The following LRRC49 variants were observed in gnomAD, a reference collection of about 807,000 sequenced individuals.
The protein encoded by LRRC49 is leucine rich repeat containing 49.
LRRC49 carries 50 observed loss-of-function variants against 83.3 expected under a neutral mutation model. The ratio of observed to expected loss-of-function variants is 0.60; its 90% confidence interval spans 0.48 to 0.76. LRRC49 has a LOEUF of 0.76. Among genes scored for constraint, LRRC49 ranks in the 30% least tolerant of loss-of-function variants. The pLI is 0.00. For missense variants in LRRC49, 704 were observed against 809.1 expected, an observed-to-expected ratio of 0.87 and a Z score of 1.58; for synonymous variants, 286 against 283.3, an observed-to-expected ratio of 1.01 and a Z score of -0.10.
In LRRC49 at chr15:71,009,948, T is replaced by C. The variant is rs1338872091; in HGVS notation, c.1549T>C (p.Phe517Leu). 6.2e-7 allele frequency: 1 copy of C among 1,608,666 alleles called. No individual in the cohort carries two copies. The highest frequency in any genetic ancestry group is 8.5e-7 in the Non-Finnish European group (1 of 1,177,014). ...TACACTCTGGAAATACTATGTACTG[T>C]TTAGGCTAAGCCATTTCAGTATGCA... is the stretch of plus-strand genomic sequence containing the variant. Reference protein sequence around the residue: ...NFTLWKYYVLFRLSHFSMQKI... With the variant: ...NFTLWKYYVLLRLSHFSMQKI... The change falls in exon 13 of 16, where the codon TTT becomes CTT. Residue 517 changes from phenylalanine (F) to leucine (L), a missense_variant. Physicochemically the swap from Phe to Leu is conservative, Grantham distance 22. Coordinates refer to ENST00000260382, the MANE Select transcript of LRRC49 (RefSeq NM_017691.5).
chr15:71,032,442 A>G (rs1326231271), intron 14 of LRRC49, among the ~76,000 whole-genome samples: 1 of 152,026 alleles, frequency 6.6e-6, no homozygotes, highest in Non-Finnish European at 1.5e-5. Flanking sequence ...GGTTCCTTCT[A>G]TTCTGTACTA....
chr15:71,011,858 G>A (rs1374904013), intron 13 of LRRC49, among the ~76,000 whole-genome samples: 4 of 152,120 alleles, frequency 2.6e-5, no homozygotes, highest in Non-Finnish European at 2.9e-5. Context: ...CCTGTGAAGA[G>A]TATTACAGAT....
chr15:70,948,956 T>C lies in LRRC49; in HGVS notation c.773+12134T>C, dbSNP rs545571335. Among the ~76,000 whole-genome samples, 5 of 152,300 alleles carry C rather than the reference T, an allele frequency of 3.3e-5. No individual in the cohort carries two copies. In the South Asian group the frequency reaches 1.0e-3, roughly 32 times the overall value. On this transcript the variant is annotated intron_variant, in intron 8 of 15. Transcript: ENST00000260382. ...TGTTTCAAGTACTTAACTTTCCCTT[T>C]GTAACACAAAAGCAGCCATAAATAA...
intron 9 of LRRC49, among the ~76,000 whole-genome samples, chr15:70,978,860 T>C (rs1166857833): frequency 2.6e-5 from 4 of 152,190 alleles, no homozygotes; most frequent in Non-Finnish European, 5.9e-5. Flanking sequence ...TCCTCTATTT[T>C]CCAGTTGACT....
At chr15:70,876,467 C>T (rs1302932047) in intron 2 of LRRC49, among the ~76,000 whole-genome samples, 1 of 152,102 alleles carries the variant, frequency 6.6e-6, no homozygotes, top group African/African-American at 2.4e-5. Context: ...GCATGACATG[C>T]TTTGGTAGTA....
At chr15:71,038,985 C>T (rs370861857) in intron 15 of LRRC49, among the ~76,000 whole-genome samples, 3 of 151,966 alleles carry the variant, frequency 2.0e-5, no homozygotes, top group Admixed American at 6.6e-5. Flanking sequence ...GACATATATA[C>T]GGATAAGTAT....
At chr15:70,882,209 C>T in intron 2 of LRRC49, 2 of 368,832 alleles carry the variant, frequency 5.4e-6, no homozygotes, top group African/African-American at 2.1e-5. Flanking sequence ...GCTTTGTAAC[C>T]TGATTTCTAC....
At chr15:70,927,099 A>T (rs2035231099) in intron 7 of LRRC49, among the ~76,000 whole-genome samples, 1 of 152,134 alleles carries the variant, frequency 6.6e-6, no homozygotes, top group African/African-American at 2.4e-5. Flanking sequence ...GCTGGAGAGG[A>T]TGTGGAGAAA....
chr15:70,912,595 A>G (rs1233680183), intron 6 of LRRC49, among the ~76,000 whole-genome samples: 1 of 151,920 alleles, frequency 6.6e-6, no homozygotes, highest in Non-Finnish European at 1.5e-5. Context: ...TTTCCTGATT[A>G]CTATATAATC....
At chr15:70,953,954 G>A (rs1302168484) in intron 8 of LRRC49, among the ~76,000 whole-genome samples, 1 of 151,876 alleles carries the variant, frequency 6.6e-6, no homozygotes, top group African/African-American at 2.4e-5. Context: ...TAGTGCAGTG[G>A]CGTGATCTTG....
At chr15:70,878,874 C>T (rs1224897611) in intron 2 of LRRC49, among the ~76,000 whole-genome samples, 3 of 152,194 alleles carry the variant, frequency 2.0e-5, no homozygotes, top group African/African-American at 7.2e-5. Flanking sequence ...TTAAGATACA[C>T]ACATAACTTT....
intron 1 of LRRC49, among the ~76,000 whole-genome samples, chr15:70,863,493 C>T (rs1388068272): frequency 6.6e-6 from 1 of 152,186 alleles, no homozygotes; most frequent in East Asian, 1.9e-4. Context: ...CAGGAGGAGC[C>T]CAAACTATGA....
chr15:70,887,952 C>G (rs1368655276), upstream of LRRC49, among the ~76,000 whole-genome samples: 1 of 152,044 alleles, frequency 6.6e-6, no homozygotes, highest in Non-Finnish European at 1.5e-5. Flanking sequence ...TTTATAGTAG[C>G]AAAATCAAAT....
intron 3 of LRRC49, chr15:70,900,214 G>A: frequency 4.3e-6 from 1 of 232,748 alleles, no homozygotes; most frequent in Non-Finnish European, 8.6e-6. Flanking sequence ...TAGATTGAAA[G>A]CTACATAATG....
rs758741935 is a variant in LRRC49, at chr15:70,919,085, G to A, written c.603G>A (p.Glu201=). The A allele has an allele frequency of 1.2e-6, 2 of 1,611,944 alleles. No individual in the cohort carries two copies. Among genetic ancestry groups the A allele is most frequent in the Non-Finnish European group, 1.7e-6 (2 of 1,178,630 alleles). The change falls in exon 7 of 16, where the codon GAG becomes GAA. Residue 201 remains glutamate, a synonymous_variant. Transcript: ENST00000260382. ...TTGAAAATATTAATCATTTGTGTGA[G>A]TTGAGAGTTTTAAATCTTGCCAGGA... is the stretch of plus-strand genomic sequence containing the variant. ...TKIENINHLC[E]LRVLNLARNF... is the part of the protein sequence containing the mutation.
chr15:71,013,559 A>T (rs2038729317), intron 14 of LRRC49, among the ~76,000 whole-genome samples: 1 of 152,134 alleles, frequency 6.6e-6, no homozygotes, highest in African/African-American at 2.4e-5. Context: ...AGGCCAGGAG[A>T]GATTATGAGG....
chr15:70,974,583 C>G (rs1014338145), intron 9 of LRRC49, among the ~76,000 whole-genome samples: 3 of 151,934 alleles, frequency 2.0e-5, no homozygotes, highest in Non-Finnish European at 4.4e-5. Flanking sequence ...ATTGGTTGAT[C>G]AAATGAGAAT....
intron 1 of LRRC49, among the ~76,000 whole-genome samples, chr15:70,865,348 A>T (rs1331257559): frequency 7.8e-6 from 1 of 128,110 alleles, no homozygotes; most frequent in Non-Finnish European, 1.7e-5. Context: ...TCAGTACTTC[A>T]GCCTGTCTTC....
rs2039979596 is a variant in LRRC49 at position 71,050,476 on chromosome 15, A to C, written c.*864A>C. On this transcript the variant is annotated 3_prime_UTR_variant, in exon 16 of 16. Coordinates refer to ENST00000260382, the MANE Select transcript of LRRC49 (RefSeq NM_017691.5). ...TTTTTAAAATTTCATTTGAAGATCA[A>C]ATTCATGCTGGTGAGAAGGGTAGTA... 1.3e-5 allele frequency: 2 copies of C among 152,218 alleles called. No individual in the cohort carries two copies. The highest frequency in any genetic ancestry group is 6.5e-5 in the Admixed American group (1 of 15,276). The allele number at this position is 152,218 out of a possible 1,614,324, so 9.4% of individuals were successfully genotyped here.
Sources: gnomAD v4.1 joint callset for allele counts (sites outside exome capture counted in the v4.1 genomes callset) on GRCh38, gnomAD v4.1.1 for gene constraint, MANE v1.5 for transcripts, NCBI Gene and HGNC (gene_info 2026-07-23, HGNC 2026-07-21) for gene names.